The following CHN2 variants were observed in gnomAD, a reference collection of about 807,000 sequenced individuals.
The protein encoded by CHN2 is chimerin 2.
CHN2 carries 35 observed loss-of-function variants against 56.3 expected under a neutral mutation model. The ratio of observed to expected loss-of-function variants is 0.62; its 90% confidence interval spans 0.47 to 0.82. The LOEUF is 0.82. CHN2 is among the 40% of genes least tolerant of loss of function. The pLI, the probability that CHN2 is intolerant of heterozygous loss-of-function variation, is 0.00. For synonymous variants in CHN2, 210 were observed against 212.8 expected (o/e 0.99, Z 0.12); for missense variants, 491 against 580.5 (o/e 0.85, Z 1.58).
At chr7:29,378,373 T>C (rs1183251803) in intron 3 of CHN2, among the ~76,000 whole-genome samples, 3 of 152,330 alleles carry the variant, frequency 2.0e-5, no homozygotes, top group African/African-American at 7.2e-5. Flanking sequence ...AAGCTCTGTG[T>C]TTTGAGCTAA....
intron 1 of CHN2, among the ~76,000 whole-genome samples, chr7:29,263,287 C>T (rs1381485055): frequency 2.0e-5 from 3 of 152,206 alleles, no homozygotes; most frequent in Non-Finnish European, 4.4e-5. Context: ...GCCTCGGCCT[C>T]CCGAGGTGCC....
intron 1 of CHN2, among the ~76,000 whole-genome samples, chr7:29,202,134 T>C (rs796835710): frequency 6.6e-6 from 1 of 152,198 alleles, no homozygotes; most frequent in East Asian, 1.9e-4. Flanking sequence ...GTTCAAAAAG[T>C]TTGGATCTTA....
chr7:29,289,204 G>A (rs1483770605), intron 1 of CHN2: 2 of 152,238 alleles, frequency 1.3e-5, no homozygotes, highest in African/African-American at 4.8e-5. Flanking sequence ...AAAAGCTGTA[G>A]CATCTTTGAG....
chr7:29,241,213 C>T (rs1048919575), intron 1 of CHN2, among the ~76,000 whole-genome samples: 2 of 152,010 alleles, frequency 1.3e-5, no homozygotes, highest in African/African-American at 2.4e-5. Context: ...CAGTCAGAGA[C>T]GGGGTTCTTT....
At chr7:29,312,093 CT>C (rs1401281530) in intron 1 of CHN2, among the ~76,000 whole-genome samples, 1 of 152,218 alleles carries the variant, frequency 6.6e-6, no homozygotes. Flanking sequence ...TATCAGAGCT[CT>C]GTAACTGGTC....
chr7:29,259,012 A>G (rs1584892131), intron 1 of CHN2, among the ~76,000 whole-genome samples: 1 of 140,338 alleles, frequency 7.1e-6, no homozygotes, highest in Admixed American at 7.6e-5. Flanking sequence ...ATAGTGGAGT[A>G]CTATGTAGCT....
chr7:29,293,357 C>T (rs115482231), intron 1 of CHN2, among the ~76,000 whole-genome samples: 1,620 of 105,028 alleles, frequency 0.015, 58 homozygotes, highest in African/African-American at 0.058. Flanking sequence ...CTGAGGGCAG[C>T]TAATGCCCCC....
chr7:29,457,946 T>C (rs1784887073), intron 6 of CHN2, among the ~76,000 whole-genome samples: 1 of 152,208 alleles, frequency 6.6e-6, no homozygotes, highest in South Asian at 2.1e-4. Flanking sequence ...AATTAGCACA[T>C]ATTTTTAAGT....
chr7:29,412,608 C>G (rs1010537632), intron 6 of CHN2, among the ~76,000 whole-genome samples: 1 of 152,076 alleles, frequency 6.6e-6, no homozygotes, highest in Non-Finnish European at 1.5e-5. Context: ...GGATTACAGG[C>G]GTGAGCCACC....
intron 1 of CHN2, among the ~76,000 whole-genome samples, chr7:29,279,190 C>T (rs1007032165): frequency 6.6e-6 from 1 of 152,204 alleles, no homozygotes; most frequent in African/African-American, 2.4e-5. Context: ...GTTGAAAGGG[C>T]AACTGGAAAT....
At chr7:29,189,898 G>A (rs555302877), upstream of CHN2, among the ~76,000 whole-genome samples, 2 of 152,126 alleles carry the variant, frequency 1.3e-5, no homozygotes, top group East Asian at 3.9e-4. Context: ...CGCCACTAGG[G>A]GTCCCCAGCA....
intron 4 of CHN2, 103 bp downstream of exon 4, chr7:29,393,813 C>T (rs1234115395): frequency 7.7e-6 from 3 of 391,712 alleles, no homozygotes; most frequent in African/African-American, 2.2e-5. Context: ...CATCATATGT[C>T]TATTGTGCAA....
chr7:29,346,070 G>A (rs1204058851), intron 1 of CHN2, among the ~76,000 whole-genome samples: 3 of 152,146 alleles, frequency 2.0e-5, no homozygotes, highest in African/African-American at 7.2e-5. Flanking sequence ...TCTCAGGGGA[G>A]TGCAGGGAAC....
intron 10 of CHN2, among the ~76,000 whole-genome samples, chr7:29,505,988 C>T (rs1046668454): frequency 6.6e-6 from 1 of 152,106 alleles, no homozygotes; most frequent in Non-Finnish European, 1.5e-5. Context: ...TCTTCAGAAC[C>T]AAATTTGCTG....
At chr7:29,504,042 A>C (rs754291956) in intron 9 of CHN2, among the ~76,000 whole-genome samples, 7 of 152,220 alleles carry the variant, frequency 4.6e-5, no homozygotes, top group Non-Finnish European at 8.8e-5. Flanking sequence ...ATTTTCCTGC[A>C]TCTGTTTGTA....
At chr7:29,430,401 A>G (rs902089843) in intron 6 of CHN2, among the ~76,000 whole-genome samples, 1 of 152,254 alleles carries the variant, frequency 6.6e-6, no homozygotes, top group African/African-American at 2.4e-5. Flanking sequence ...TTCTAGAATC[A>G]GGCAGTCCCT....
chr7:29,172,977 A>G (rs2128727746), intron 2 of CHN2, among the ~76,000 whole-genome samples: 1 of 152,100 alleles, frequency 6.6e-6, no homozygotes, highest in East Asian at 1.9e-4. Flanking sequence ...CTAAAAATAC[A>G]AAAATTAGCT....
At chr7:29,216,122 G>C (rs577223720) in intron 1 of CHN2, among the ~76,000 whole-genome samples, 169 of 152,240 alleles carry the variant, frequency 1.1e-3, no homozygotes, top group Non-Finnish European at 1.9e-3. Context: ...AAGAGTCCTT[G>C]TAGATTTTCC....
At chr7:29,436,291 T>C (rs1479660867) in intron 6 of CHN2, among the ~76,000 whole-genome samples, 1 of 152,298 alleles carries the variant, frequency 6.6e-6, no homozygotes, top group African/African-American at 2.4e-5. Flanking sequence ...CTAGGGAGCA[T>C]GTCAAGGACT....
Sources: gnomAD v4.1 joint callset for allele counts (sites outside exome capture counted in the v4.1 genomes callset) on GRCh38, gnomAD v4.1.1 for gene constraint, MANE v1.5 for transcripts, NCBI Gene and HGNC (gene_info 2026-07-23, HGNC 2026-07-21) for gene names.